Variants in EFHD1 observed in about 807,000 individuals in gnomAD.
The protein encoded by EFHD1 is EF-hand domain-containing protein D1.
In EFHD1, 10 loss-of-function variants were observed where a neutral mutation model predicts 17.2. That is an observed-to-expected ratio of 0.58 (90% confidence interval 0.36 to 0.99). The LOEUF (loss-of-function observed/expected upper bound fraction) is 0.99. Among genes scored for constraint, EFHD1 ranks in the 50% least tolerant of loss-of-function variants. The probability of loss-of-function intolerance (pLI) is 0.01; values close to 1 mark genes in which losing one functional copy is unlikely to be tolerated. For synonymous variants in EFHD1, 153 were observed against 142.0 expected, an observed-to-expected ratio of 1.08 and a Z score of -0.55; for missense variants, 310 against 327.5, an observed-to-expected ratio of 0.95 and a Z score of 0.41.
intron 3 of EFHD1, among the ~76,000 whole-genome samples, chr2:232,672,844 C>T (rs1303211155): frequency 1.3e-5 from 2 of 152,084 alleles, no homozygotes; most frequent in African/African-American, 4.8e-5. Context: ...AGACAGAGTG[C>T]CTTGGTGACA....
upstream of EFHD1, chr2:232,633,521 T>G (rs1694242460): frequency 2.4e-6 from 3 of 1,272,598 alleles, no homozygotes; most frequent in Non-Finnish European, 3.0e-6. Flanking sequence ...GGCGCCTCCT[T>G]AAAGCCGCAG....
chr2:232,667,245 G>A (rs987058162), intron 2 of EFHD1, among the ~76,000 whole-genome samples: 3 of 152,134 alleles, frequency 2.0e-5, no homozygotes, highest in Non-Finnish European at 4.4e-5. Context: ...CCTGGTCATG[G>A]TTGATCAGAC....
At chr2:232,615,310 ATAG>A (rs1199083852) in intron 1 of EFHD1, among the ~76,000 whole-genome samples, 2 of 99,526 alleles carry the variant, frequency 2.0e-5, no homozygotes, top group Non-Finnish European at 4.0e-5. Flanking sequence ...AGTGTCAACT[ATAG>A]TGTGTGTGTG....
At chr2:232,619,465 C>G (rs1219654527) in intron 1 of EFHD1, among the ~76,000 whole-genome samples, 1 of 151,876 alleles carries the variant, frequency 6.6e-6, no homozygotes, top group South Asian at 2.1e-4. Flanking sequence ...CGCCTGACAC[C>G]ATGCCCGGCT....
chr2:232,673,989 A>C (rs1394835893), intron 3 of EFHD1, among the ~76,000 whole-genome samples: 2 of 141,432 alleles, frequency 1.4e-5, no homozygotes, highest in Non-Finnish European at 3.0e-5. Context: ...GCTCACTGGC[A>C]CCTCTGCCTC....
intron 1 of EFHD1, among the ~76,000 whole-genome samples, chr2:232,634,317 G>A (rs191088432): frequency 1.3e-5 from 2 of 152,212 alleles, no homozygotes; most frequent in African/African-American, 2.4e-5. Context: ...CCAGTCCGGA[G>A]ATTTGCTCCG....
chr2:232,662,974 C>A, intron 2 of EFHD1, 25 bp downstream of exon 2: 1 of 1,553,034 alleles, frequency 6.4e-7, no homozygotes, highest in Admixed American at 2.1e-5. Context: ...TGGCCCTGAG[C>A]CCCTGTGGGG....
chr2:232,636,817 C>T (rs751485010), intron 1 of EFHD1, among the ~76,000 whole-genome samples: 2 of 152,050 alleles, frequency 1.3e-5, no homozygotes, highest in African/African-American at 2.4e-5. Flanking sequence ...AGTGCGACTC[C>T]GTCTCAAAAA....
intron 3 of EFHD1, among the ~76,000 whole-genome samples, chr2:232,679,062 G>A (rs1248588542): frequency 6.6e-6 from 1 of 151,990 alleles, no homozygotes; most frequent in Non-Finnish European, 1.5e-5. Context: ...TTTGCCTTCT[G>A]ACAGGAAAGA....
At position 232,681,631 on chromosome 2, in the gene EFHD1, C is replaced by T; in HGVS notation, c.632C>T (p.Ala211Val). 1 of 1,614,246 alleles carries T rather than the reference C, an allele frequency of 6.2e-7. No homozygotes were observed. The highest frequency in any genetic ancestry group is 1.1e-5 in the South Asian group (1 of 91,084). Reference protein sequence around the residue: ...SASKFEAELKAEQDERKREEE... With the variant: ...SASKFEAELKVEQDERKREEE... ...AGTAAGTTTGAAGCAGAGTTGAAAG[C>T]TGAGCAAGATGAGCGGAAGCGGGAG... Residue 211 changes from alanine to valine, a missense_variant, in exon 4 of 4, where the codon GCT becomes GTT. Ala to Val is a moderately conservative substitution (Grantham distance 64, BLOSUM62 0). Transcript: ENST00000264059.
chr2:232,615,515 T>G (rs944924071), intron 1 of EFHD1, among the ~76,000 whole-genome samples: 5 of 152,038 alleles, frequency 3.3e-5, no homozygotes, highest in Non-Finnish European at 7.4e-5. Flanking sequence ...TGGATTGACC[T>G]CTGGATGGTA....
At position 232,670,012 on chromosome 2, in the gene EFHD1, G is replaced by A. The variant is rs544327659; in HGVS notation, c.451-2297G>A. ...TGAAAACCTGGAGAGAGCCTCTTTCGATGATAGCTTGGAACGTATCAGTTT... is the reference window on the plus strand; with the variant it reads ...TGAAAACCTGGAGAGAGCCTCTTTCAATGATAGCTTGGAACGTATCAGTTT... On this transcript the variant is annotated intron_variant, in intron 2 of 3. Coordinates refer to ENST00000264059, the MANE Select transcript of EFHD1 (RefSeq NM_025202.4). 6.6e-5 allele frequency among the ~76,000 whole-genome samples: 10 copies of A among 152,292 alleles called. No homozygotes were observed. The South Asian group carries it at 8.3e-4, about 13-fold the overall frequency.
intron 1 of EFHD1, among the ~76,000 whole-genome samples, chr2:232,644,576 G>A (rs565819238): frequency 2.6e-5 from 4 of 151,388 alleles, no homozygotes; most frequent in Admixed American, 2.0e-4. Flanking sequence ...GCAGTGGTGC[G>A]ATCTCGGCTC....
intron 3 of EFHD1, among the ~76,000 whole-genome samples, chr2:232,673,973 A>G (rs1391413396): frequency 6.9e-6 from 1 of 145,264 alleles, no homozygotes; most frequent in Non-Finnish European, 1.5e-5. Flanking sequence ...CAGTGGCACG[A>G]TCTTGGCTCA....
intron 3 of EFHD1, among the ~76,000 whole-genome samples, chr2:232,676,579 C>T (rs1695176916): frequency 6.6e-6 from 1 of 152,164 alleles, no homozygotes; most frequent in South Asian, 2.1e-4. Flanking sequence ...TGGAGTCAGT[C>T]TCCCTTAGGC....
chr2:232,668,702 C>T (rs551883474), intron 2 of EFHD1, among the ~76,000 whole-genome samples: 6 of 152,222 alleles, frequency 3.9e-5, no homozygotes, highest in South Asian at 2.1e-4. Context: ...GGCGCGATCT[C>T]GGCTCACTGC....
intron 1 of EFHD1, among the ~76,000 whole-genome samples, chr2:232,607,334 T>C (rs1168709263): frequency 6.6e-6 from 1 of 150,944 alleles, no homozygotes; most frequent in African/African-American, 2.4e-5. Flanking sequence ...GCCTGTAATC[T>C]CAGCACTTTG....
At chr2:232,627,073 T>TTG (rs1694120395) in intron 1 of EFHD1, among the ~76,000 whole-genome samples, 1 of 142,118 alleles carries the variant, frequency 7.0e-6, no homozygotes, top group Non-Finnish European at 1.5e-5. Context: ...TATTTTTTTT[T>TTG]TTTTTTAATT....
chr2:232,637,593 C>T (rs1375409263), intron 1 of EFHD1, among the ~76,000 whole-genome samples: 2 of 152,194 alleles, frequency 1.3e-5, no homozygotes, highest in Admixed American at 1.3e-4. Flanking sequence ...ATCCACCCGC[C>T]TCAGCCTCCC....
Sources: gnomAD v4.1 joint callset for allele counts (sites outside exome capture counted in the v4.1 genomes callset) on GRCh38, gnomAD v4.1.1 for gene constraint, MANE v1.5 for transcripts, NCBI Gene and HGNC (gene_info 2026-07-23, HGNC 2026-07-21) for gene names.